SSTR3: variants seen among roughly 807,000 people sequenced by gnomAD.
The protein encoded by SSTR3 is somatostatin receptor type 3.
For synonymous variants in SSTR3, 281 were observed against 269.2 expected, an observed-to-expected ratio of 1.04 and a Z score of -0.43; for missense variants, 504 against 604.7, an observed-to-expected ratio of 0.83 and a Z score of 1.75.
chr22:37,213,106 T>C (rs1926287155), upstream of SSTR3, among the ~76,000 whole-genome samples: 1 of 152,072 alleles, frequency 6.6e-6, no homozygotes. Flanking sequence ...TTAATTGGAG[T>C]TTAGAGTTAG....
chr22:37,215,390 T>C (rs1926395642), upstream of SSTR3, among the ~76,000 whole-genome samples: 1 of 152,190 alleles, frequency 6.6e-6, no homozygotes, highest in Non-Finnish European at 1.5e-5. Context: ...CCTGATAATT[T>C]TTTTCTTTTT....
the SSTR3 span, among the ~76,000 whole-genome samples, chr22:37,218,141 C>T: frequency 6.6e-6 from 1 of 152,228 alleles, no homozygotes; most frequent in African/African-American, 2.4e-5. Flanking sequence ...ATCTTTATTG[C>T]TTACTGATAT....
At chr22:37,218,462 G>A in the SSTR3 span, among the ~76,000 whole-genome samples, 19,799 of 152,198 alleles carry the variant, frequency 0.13, 1,642 homozygotes, top group Non-Finnish European at 0.2. Context: ...GGCTGAGGCA[G>A]GAGAATCGCT....
chr22:37,212,761 G>T (rs538586484), upstream of SSTR3, among the ~76,000 whole-genome samples: 1 of 152,288 alleles, frequency 6.6e-6, no homozygotes, highest in East Asian at 1.9e-4. Context: ...GCAAGGCTGG[G>T]TGTGGGGCTG....
At position 37,212,209 on chromosome 22, in the gene SSTR3, A is replaced by AAG. The variant is rs34856117; in HGVS notation, c.-423_-422dup. The AAG allele has an allele frequency of 4.1e-5, 35 of 863,156 alleles. No individual in the cohort carries two copies. In the East Asian group the frequency reaches 6.1e-4, roughly 15 times the overall value. 53.5% of individuals were successfully genotyped at this position (863,156 alleles called of 1,614,324 possible). On this transcript the variant is annotated 5_prime_UTR_variant, in exon 1 of 2. An upstream open reading frame in the 5' UTR gains an earlier in-frame stop. Transcript: ENST00000610913. ...AAAGGGGGTCGGGAGGAGGTGGAGA[A>AAG]AGAGAGAGAGAGAGAAAGAGGGAGG... is the stretch of plus-strand genomic sequence containing the variant.
At chr22:37,211,519 G>A (rs1268800722) in intron 1 of SSTR3, among the ~76,000 whole-genome samples, 3 of 152,220 alleles carry the variant, frequency 2.0e-5, no homozygotes, top group Non-Finnish European at 4.4e-5. Flanking sequence ...CGGGTATGGA[G>A]GGGGAGCTCA....
Position 37,206,337 on chromosome 22 carries a change from A to G in SSTR3, c.*210T>C. The G allele has an allele frequency of 1.5e-6, 1 of 688,466 alleles. No homozygotes were observed. Among genetic ancestry groups the G allele is most frequent in the Non-Finnish European group, 2.3e-6 (1 of 437,606 alleles). The allele number at this position is 688,466 out of a possible 1,614,324, so 42.6% of individuals were successfully genotyped here. On this transcript the variant is annotated 3_prime_UTR_variant, in exon 2 of 2. Coordinates refer to ENST00000610913, the MANE Select transcript of SSTR3 (RefSeq NM_001051.5). Reference sequence around the variant, plus strand: ...CTGACATAGCTCATCCAGGCTGATGACTCCTATCCCTGAGTCACAGAGGAG... The same window carrying G: ...CTGACATAGCTCATCCAGGCTGATGGCTCCTATCCCTGAGTCACAGAGGAG...
upstream of SSTR3, chr22:37,215,893 G>A: frequency 3.8e-6 from 1 of 262,984 alleles, no homozygotes; most frequent in South Asian, 5.1e-5. Flanking sequence ...GAGAAGCTGT[G>A]GCGAGAAACG....
Position 37,207,643 on chromosome 22 carries a change from A to G in SSTR3, c.161T>C (p.Val54Ala), listed in dbSNP as rs1182778728. Residue 54 changes from valine (V) to alanine (A), a missense_variant, in exon 2 of 2, where the codon GTG becomes GCG. Val to Ala is a moderately conservative substitution (Grantham distance 64). Transcript: ENST00000610913. ...GVLIPLVYLV[V>A]CVVGLLGNSL... The stretch of plus-strand genomic sequence containing the variant: ...GTTACCCAGCAGGCCCACCACGCAC[A>G]CCACCAGGTAGACCAGGGGGATCAG... 1.3e-6 allele frequency: 2 copies of G among 1,594,204 alleles called. No homozygotes were observed. Among genetic ancestry groups the G allele is most frequent in the African/African-American group, 1.3e-5 (1 of 74,642 alleles).
intron 1 of SSTR3, among the ~76,000 whole-genome samples, 153 bp from the exon 2 acceptor site, chr22:37,207,992 T>G (rs1399466145): frequency 6.6e-6 from 1 of 152,160 alleles, no homozygotes; most frequent in Non-Finnish European, 1.5e-5. Flanking sequence ...ACGCACCATC[T>G]CATTCACCCC....
At chr22:37,212,542 G>A (rs933520710), upstream of SSTR3, among the ~76,000 whole-genome samples, 2 of 151,784 alleles carry the variant, frequency 1.3e-5, no homozygotes, top group African/African-American at 4.8e-5. Context: ...CAGGTTAAGG[G>A]AGGAGGCCCG....
At chr22:37,220,369 T>A in the SSTR3 span, among the ~76,000 whole-genome samples, 1 of 152,058 alleles carries the variant, frequency 6.6e-6, no homozygotes, top group Non-Finnish European at 1.5e-5. Flanking sequence ...CTGGCCAACA[T>A]GACAAAACCC....
At chr22:37,217,849 A>G in the SSTR3 span, among the ~76,000 whole-genome samples, 1 of 152,096 alleles carries the variant, frequency 6.6e-6, no homozygotes, top group East Asian at 1.9e-4. Context: ...GATTACAGGC[A>G]CATGCCACCA....
At chr22:37,214,252 C>A (rs1298993342), upstream of SSTR3, among the ~76,000 whole-genome samples, 4 of 152,230 alleles carry the variant, frequency 2.6e-5, no homozygotes, top group Non-Finnish European at 5.9e-5. Flanking sequence ...ACTAAAGGCA[C>A]TTCAGAAACA....
chr22:37,216,697 T>C (rs1926463053), upstream of SSTR3, among the ~76,000 whole-genome samples: 1 of 152,258 alleles, frequency 6.6e-6, no homozygotes, highest in Admixed American at 6.5e-5. Flanking sequence ...TGTTTGGGGA[T>C]TCCCTTCAGC....
In SSTR3 at chr22:37,206,925, C is replaced by T; in HGVS notation, c.879G>A (p.Gly293=). Residue 293 remains glycine, a synonymous_variant, in exon 2 of 2, where the codon GGG becomes GGA. Coordinates refer to ENST00000610913, the MANE Select transcript of SSTR3 (RefSeq NM_001051.5). ...GCAGCGCCACCACCAGGAAGTAGAG[C>T]CCAAAGAAGGCAGGCTCCTCGGGCA... ...CPLPEEPAFF[G]LYFLVVALPY... 1 of 1,613,544 alleles carries T rather than the reference C, an allele frequency of 6.2e-7. No homozygotes were observed. The highest frequency in any genetic ancestry group is 8.5e-7 in the Non-Finnish European group (1 of 1,180,034).
rs1237752043 is a variant in SSTR3, at chr22:37,212,088, T to TG, written c.-301dup. On this transcript the variant is annotated 5_prime_UTR_variant, in exon 1 of 2. The change creates a premature stop within an existing upstream ORF in the 5' untranslated region. Coordinates refer to ENST00000610913, the MANE Select transcript of SSTR3 (RefSeq NM_001051.5). ...CACCCCCCATCTCCAGGACACATCC[T>TG]GGGGGGGCAGGGGCAAGGATAGGGG... 24 of 983,948 alleles carry TG rather than the reference T, an allele frequency of 2.4e-5. No individual in the cohort carries two copies. The South Asian group carries it at 4.2e-4, about 17-fold the overall frequency. The allele number at this position is 983,948 out of a possible 1,614,324, so 61.0% of individuals were successfully genotyped here.
At chr22:37,217,100 C>G (rs1425662721), upstream of SSTR3, among the ~76,000 whole-genome samples, 1 of 152,132 alleles carries the variant, frequency 6.6e-6, no homozygotes, top group Non-Finnish European at 1.5e-5. Context: ...CGCGCCTGGC[C>G]TCCTCTCTCA....
the SSTR3 span, among the ~76,000 whole-genome samples, chr22:37,219,093 C>T: frequency 6.6e-6 from 1 of 152,244 alleles, no homozygotes; most frequent in South Asian, 2.1e-4. Flanking sequence ...CAGGTGTCTC[C>T]TGGCTTCTTT....
Sources: allele counts gnomAD v4.1 joint callset (sites outside exome capture counted in the v4.1 genomes callset), GRCh38; gene constraint gnomAD v4.1.1; transcripts MANE v1.5; gene names NCBI Gene and HGNC (gene_info 2026-07-23, HGNC 2026-07-21).